Variants in ZFHX2 observed in about 807,000 individuals in gnomAD.
ZFHX2 encodes the protein zinc finger homeobox protein 2.
A neutral mutation model predicts 164.8 loss-of-function variants in ZFHX2; 75 were observed. The observed-to-expected ratio is 0.46, with a 90% CI of 0.38 to 0.55. The LOEUF (loss-of-function observed/expected upper bound fraction) is 0.55, where lower values mean the gene tolerates loss of function less well. ZFHX2 is among the 20% of genes least tolerant of loss of function. The pLI, the probability that ZFHX2 is intolerant of heterozygous loss-of-function variation, is 0.00. For synonymous variants in ZFHX2, 1,217 were observed against 1,351.4 expected (o/e 0.90, Z 2.18); for missense variants, 2,933 against 3,308.0 (o/e 0.89, Z 2.78).
At position 23,533,143 on chromosome 14, in the gene ZFHX2, A is replaced by C; in HGVS notation, c.2042-59T>G. ...AGAAATGGGGCACGGTTGGTTCTCTATGTGGGGAGGTGGGTTAATGAGTAG... is the reference window on the plus strand; with the variant it reads ...AGAAATGGGGCACGGTTGGTTCTCTCTGTGGGGAGGTGGGTTAATGAGTAG... On this transcript the variant is annotated intron_variant, in intron 2 of 9. Transcript: ENST00000419474. This position sits in a 1 kb window ranked among gnomAD's most constrained non-coding sequence, Gnocchi z 4.8. 6.8e-7 allele frequency: 1 copy of C among 1,463,878 alleles called. No homozygotes were observed. The highest frequency in any genetic ancestry group is 9.0e-7 in the Non-Finnish European group (1 of 1,110,298). 90.7% of individuals were successfully genotyped at this position (1,463,878 alleles called of 1,614,324 possible).
At chr14:23,548,114 TA>T (rs1437515620) in intron 1 of ZFHX2, among the ~76,000 whole-genome samples, 5 of 152,148 alleles carry the variant, frequency 3.3e-5, no homozygotes, top group African/African-American at 1.2e-4. Context: ...CCAAAGCCAT[TA>T]CACTTTCAAC....
chr14:23,547,023 T>C (rs773803213), intron 1 of ZFHX2, among the ~76,000 whole-genome samples: 11 of 152,216 alleles, frequency 7.2e-5, no homozygotes, highest in Non-Finnish European at 1.3e-4. Context: ...TGATTCCTGA[T>C]TGGGTGCATG....
At chr14:23,539,987 CAGT>C (rs1250549771) in intron 1 of ZFHX2, among the ~76,000 whole-genome samples, 3 of 152,160 alleles carry the variant, frequency 2.0e-5, no homozygotes, top group South Asian at 4.1e-4. Context: ...GCCTTCCAAA[CAGT>C]TGTTTTTCAT....
rs1179548104 is a variant in ZFHX2 at position 23,525,700 on chromosome 14, G to A, written c.4242C>T (p.Pro1414=). ...CTGCCTCATTACCCTCTTTGGCCAT[G>A]GGGGGCCGCTCCCACTCCCGCTCAG... ...ELAEREWERP[P]MAKEGNEAGP... Residue 1414 remains proline (P), a synonymous_variant, in exon 9 of 10, where the codon CCC becomes CCT. Transcript: ENST00000419474. The surrounding 1 kb of genome is among the most constrained non-coding windows in gnomAD (Gnocchi z 5.9). 6 of 1,525,472 alleles carry A rather than the reference G, an allele frequency of 3.9e-6. No homozygotes were observed. In the East Asian group the frequency reaches 7.4e-5, roughly 19 times the overall value. 94.5% of individuals were successfully genotyped at this position (1,525,472 alleles called of 1,614,324 possible).
intron 1 of ZFHX2, among the ~76,000 whole-genome samples, chr14:23,545,136 C>A (rs1032195131): frequency 6.6e-6 from 1 of 152,188 alleles, no homozygotes; most frequent in African/African-American, 2.4e-5. Flanking sequence ...TCCCCTCCCC[C>A]ACATTGCCCT....
chr14:23,534,978 G>A lies in ZFHX2; in HGVS notation c.348C>T (p.Phe116=), dbSNP rs1595166347. 1.3e-6 allele frequency: 2 copies of A among 1,536,174 alleles called. No homozygotes were observed. The highest frequency in any genetic ancestry group is 4.9e-5 in the East Asian group (2 of 40,914). ...PPMDLSNHLF[F]TAGGEAYLVA... Reference sequence around the variant, plus strand: ...CTAGGTAGGCCTCACCTCCAGCTGTGAAGAATAAGTGGTTGCTTAGGTCCA... The same window carrying A: ...CTAGGTAGGCCTCACCTCCAGCTGTAAAGAATAAGTGGTTGCTTAGGTCCA... Residue 116 remains phenylalanine, a synonymous_variant, in exon 2 of 10, where the codon TTC becomes TTT. Coordinates refer to ENST00000419474, the MANE Select transcript of ZFHX2 (RefSeq NM_033400.3). The surrounding 1 kb of genome is among the most constrained non-coding windows in gnomAD (Gnocchi z 4.5).
chr14:23,530,782 A>G (rs1233897086), intron 4 of ZFHX2: 3 of 288,598 alleles, frequency 1.0e-5, no homozygotes, highest in Admixed American at 5.0e-5. Context: ...CATATTGGCA[A>G]TTCAATTAGC....
rs1294148635 is a variant in ZFHX2 at position 23,533,547 on chromosome 14, G to A, written c.1779C>T (p.His593=). ...GGTGCAGCATTAGGACATTCTGCAT[G>A]TGCTTCTCAGAGGTCATATGGATGC... is the stretch of plus-strand genomic sequence containing the variant. The part of the protein sequence containing the change: ...NLRIHMTSEK[H]MQNVLMLHQG... The change falls in exon 2 of 10, where the codon CAC becomes CAT. Residue 593 remains histidine, a synonymous_variant. Coordinates refer to ENST00000419474, the MANE Select transcript of ZFHX2 (RefSeq NM_033400.3). This position sits in a 1 kb window ranked among gnomAD's most constrained non-coding sequence, Gnocchi z 4.8. 38 of 1,536,318 alleles carry A rather than the reference G, an allele frequency of 2.5e-5. No individual in the cohort carries two copies. Among genetic ancestry groups the A allele is most frequent in the Middle Eastern group, 1.7e-4 (1 of 5,990 alleles).
intron 1 of ZFHX2, among the ~76,000 whole-genome samples, chr14:23,549,697 C>A (rs1388815445): frequency 6.6e-6 from 1 of 152,122 alleles, no homozygotes; most frequent in East Asian, 1.9e-4. Flanking sequence ...GGGAATGTCC[C>A]CTTACAAAAT....
At position 23,535,246 on chromosome 14, in the gene ZFHX2, G is replaced by A; in HGVS notation, c.80C>T (p.Thr27Ile). The A allele has an allele frequency of 1.3e-6, 2 of 1,515,844 alleles. No homozygotes were observed. The highest frequency in any genetic ancestry group is 1.8e-6 in the Non-Finnish European group (2 of 1,132,298). 93.9% of individuals were successfully genotyped at this position (1,515,844 alleles called of 1,614,324 possible). The change falls in exon 2 of 10, where the codon ACC (threonine) becomes ATC (isoleucine). Residue 27 changes from threonine to isoleucine, a missense_variant. By Grantham distance (89) the Thr-to-Ile change is moderately conservative. Coordinates refer to ENST00000419474, the MANE Select transcript of ZFHX2 (RefSeq NM_033400.3). The surrounding 1 kb of genome is among the most constrained non-coding windows in gnomAD (Gnocchi z 4.5). Reference protein sequence around the residue: ...GHNAPSLPSDTFSSSTPSDPV... With the variant: ...GHNAPSLPSDIFSSSTPSDPV... ...ATCAGAGGGGGTGCTGGAGGAGAAG[G>A]TGTCCGAAGGCAGGGACGGGGCATT...
At chr14:23,527,857 C>T in intron 6 of ZFHX2, 53 bp from the exon 7 acceptor site, 2 of 1,465,824 alleles carry the variant, frequency 1.4e-6, no homozygotes, top group Non-Finnish European at 1.8e-6. Context: ...ATGGGACCCA[C>T]CATCACATAG....
At position 23,526,112 on chromosome 14, in the gene ZFHX2, C is replaced by T. The variant is rs557418110; in HGVS notation, c.3830G>A (p.Arg1277Gln). ...MRSVLHQTRS[R>Q]GTKTDSKIEG... Reference sequence around the variant, plus strand: ...AATCTTGGAATCAGTCTTGGTTCCCCGAGAGCGAGTCTGATGCAGAACTGA... The same window carrying T: ...AATCTTGGAATCAGTCTTGGTTCCCTGAGAGCGAGTCTGATGCAGAACTGA... The change falls in exon 9 of 10, where the codon CGG becomes CAG. Residue 1277 changes from arginine to glutamine, a missense_variant. Physicochemically the swap from Arg to Gln is conservative, Grantham distance 43. Coordinates refer to ENST00000419474, the MANE Select transcript of ZFHX2 (RefSeq NM_033400.3). The T allele has an allele frequency of 2.1e-5, 33 of 1,536,364 alleles. No homozygotes were observed. Among genetic ancestry groups the T allele is most frequent in the East Asian group, 1.2e-4 (5 of 40,912 alleles).
intron 8 of ZFHX2, 40 bp downstream of exon 8, chr14:23,526,807 T>C (rs1349571012): frequency 6.6e-7 from 1 of 1,523,308 alleles, no homozygotes; most frequent in African/African-American, 1.4e-5. Context: ...TGGAGTCCCC[T>C]TTCCTGGTAC....
rs1476532199 is a variant in ZFHX2 at position 23,522,078 on chromosome 14, T to C, written c.7603A>G (p.Thr2535Ala). Residue 2535 changes from threonine (T) to alanine (A), a missense_variant, in exon 10 of 10, where the codon ACC becomes GCC. Physicochemically the swap from Thr to Ala is moderately conservative, Grantham distance 58 (BLOSUM62 0). Coordinates refer to ENST00000419474, the MANE Select transcript of ZFHX2 (RefSeq NM_033400.3). ...GCCGAGGCAGCAGTGGCGGCGTTGG[T>C]GATGGAGATGGGTGGGCCCCCTTGA... ...PPQGGPPISI[T>A]NAATAASAAV... 6.5e-7 allele frequency: 1 copy of C among 1,536,072 alleles called. No individual in the cohort carries two copies. The highest frequency in any genetic ancestry group is 2.4e-5 in the East Asian group (1 of 40,924).
In ZFHX2 at chr14:23,533,333, T is replaced by C; in HGVS notation, c.1993A>G (p.Asn665Asp). The C allele has an allele frequency of 6.9e-7, 1 of 1,439,224 alleles. No homozygotes were observed. Among genetic ancestry groups the C allele is most frequent in the Non-Finnish European group, 9.1e-7 (1 of 1,101,052 alleles). The allele number at this position is 1,439,224 out of a possible 1,614,324, so 89.2% of individuals were successfully genotyped here. ...DKPLEAQLLL[N>D]GFHHVGAPAR... ...GGTGCTCCTACGTGGTGGAAACCAT[T>C]GAGAAGTAGCTGGGCTTCCAGGGGC... The change falls in exon 2 of 10, where the codon AAT becomes GAT. Residue 665 changes from asparagine (N) to aspartate (D), a missense_variant. Transcript: ENST00000419474. The surrounding 1 kb of genome is among the most constrained non-coding windows in gnomAD (Gnocchi z 4.8).
In ZFHX2 at chr14:23,524,159, G is replaced by T. The variant is rs1878403415; in HGVS notation, c.5783C>A (p.Ala1928Glu). 2 of 1,535,906 alleles carry T rather than the reference G, an allele frequency of 1.3e-6. No homozygotes were observed. Among genetic ancestry groups the T allele is most frequent in the African/African-American group, 2.7e-5 (2 of 72,998 alleles). Residue 1928 changes from alanine to glutamate, a missense_variant, in exon 9 of 10, where the codon GCA becomes GAA. Coordinates refer to ENST00000419474, the MANE Select transcript of ZFHX2 (RefSeq NM_033400.3). The surrounding 1 kb of genome is among the most constrained non-coding windows in gnomAD (Gnocchi z 5.6). ...GGTGGCTGTGGCAGGCGGTTTCACT[G>T]CTGGACTAGGCACCCCCCCAGGGGT... ...RSTPGGVPSP[A>E]VKPPATATPA...
chr14:23,539,337 A>T (rs1376267775), intron 1 of ZFHX2, among the ~76,000 whole-genome samples: 2 of 151,940 alleles, frequency 1.3e-5, no homozygotes, highest in Non-Finnish European at 2.9e-5. Context: ...CAAACAAAAA[A>T]ATATATACAG....
Position 23,534,626 on chromosome 14 carries a change from C to T in ZFHX2, c.700G>A (p.Ala234Thr), listed in dbSNP as rs1566586805. 3 of 1,536,172 alleles carry T rather than the reference C, an allele frequency of 2.0e-6. No individual in the cohort carries two copies. Among genetic ancestry groups the T allele is most frequent in the East Asian group, 4.9e-5 (2 of 40,912 alleles). ...PMGNSGGNHV[A>T]VFWLCLLCRL... is the part of the protein sequence containing the mutation. ...CACAGAAGGCAGAGCCAGAAGACCGCCACGTGGTTGCCCCCGCTGTTCCCC... is the reference window on the plus strand; with the variant it reads ...CACAGAAGGCAGAGCCAGAAGACCGTCACGTGGTTGCCCCCGCTGTTCCCC... Residue 234 changes from alanine to threonine, a missense_variant, in exon 2 of 10, where the codon GCG becomes ACG. Physicochemically the swap from Ala to Thr is moderately conservative, Grantham distance 58. Coordinates refer to ENST00000419474, the MANE Select transcript of ZFHX2 (RefSeq NM_033400.3). The surrounding 1 kb of genome is among the most constrained non-coding windows in gnomAD (Gnocchi z 4.5).
intron 1 of ZFHX2, among the ~76,000 whole-genome samples, chr14:23,537,345 G>A (rs1355402636): frequency 6.6e-6 from 1 of 151,758 alleles, no homozygotes; most frequent in Admixed American, 6.6e-5. Flanking sequence ...TCTAGCTCTC[G>A]TATTAGCAGA....
Sources: gnomAD v4.1 joint callset for allele counts (sites outside exome capture counted in the v4.1 genomes callset) on GRCh38, gnomAD v4.1.1 for gene constraint, Gnocchi (gnomAD v3.1) non-coding constraint, MANE v1.5 for transcripts, NCBI Gene and HGNC (gene_info 2026-07-23, HGNC 2026-07-21) for gene names.